The following FARP1 variants were observed in gnomAD, a reference collection of about 807,000 sequenced individuals.
FARP1 encodes FERM, ARHGEF and pleckstrin domain-containing protein 1.
FARP1 carries 52 observed loss-of-function variants against 128.8 expected under a neutral mutation model. The observed-to-expected ratio is 0.40, with a 90% CI of 0.32 to 0.51. FARP1 has a LOEUF of 0.51. Ranked by LOEUF, FARP1 falls within the 20% of genes least tolerant of loss-of-function variation. The pLI is 0.45. For missense variants in FARP1, 1,333 were observed against 1,367.9 expected, an observed-to-expected ratio of 0.97 and a Z score of 0.40; for synonymous variants, 580 against 551.8, an observed-to-expected ratio of 1.05 and a Z score of -0.72.
intron 2 of FARP1, among the ~76,000 whole-genome samples, chr13:98,267,994 C>T (rs1884208012): frequency 1.3e-5 from 2 of 152,172 alleles, no homozygotes; most frequent in South Asian, 4.1e-4. Context: ...TCATCTTCAC[C>T]ATTTGCAAGG....
intron 24 of FARP1, among the ~76,000 whole-genome samples, chr13:98,442,874 C>T (rs1428929968): frequency 2.0e-5 from 3 of 152,218 alleles, no homozygotes; most frequent in East Asian, 1.9e-4. Context: ...GTGTGAATTA[C>T]GACTCTCAAG....
chr13:98,284,899 C>T (rs1436404207), intron 2 of FARP1, among the ~76,000 whole-genome samples: 6 of 152,164 alleles, frequency 3.9e-5, no homozygotes, highest in African/African-American at 1.2e-4. Flanking sequence ...TCTGTGTACG[C>T]ATTTCCTATT....
intron 2 of FARP1, among the ~76,000 whole-genome samples, chr13:98,310,696 G>A (rs1435487967): frequency 2.0e-5 from 3 of 152,134 alleles, no homozygotes; most frequent in Non-Finnish European, 4.4e-5. Flanking sequence ...GGGTGGTGGT[G>A]GGTGGTGTGG....
chr13:98,251,837 T>A (rs1246061259), intron 2 of FARP1, among the ~76,000 whole-genome samples: 4 of 151,148 alleles, frequency 2.6e-5, no homozygotes, highest in African/African-American at 9.9e-5. Flanking sequence ...TATAGCTAAT[T>A]GTATGTATGT....
intron 1 of FARP1, among the ~76,000 whole-genome samples, chr13:98,153,423 AAC>A (rs1876207432): frequency 2.2e-5 from 3 of 136,182 alleles, no homozygotes; most frequent in South Asian, 2.2e-4. Flanking sequence ...TATAATATGT[AAC>A]ACATTATATA....
intron 2 of FARP1, among the ~76,000 whole-genome samples, chr13:98,323,810 T>A (rs773816570): frequency 5.3e-5 from 8 of 152,206 alleles, no homozygotes; most frequent in Admixed American, 1.3e-4. Context: ...TATTCAGCCT[T>A]TAGAGGAAAA....
chr13:98,374,909 T>C (rs1329464985), intron 5 of FARP1, among the ~76,000 whole-genome samples: 3 of 152,288 alleles, frequency 2.0e-5, no homozygotes, highest in African/African-American at 7.2e-5. Flanking sequence ...CTAGGCTTTT[T>C]GTAACAACCA....
intron 16 of FARP1, among the ~76,000 whole-genome samples, chr13:98,422,830 C>G (rs747230794): frequency 1.2e-4 from 18 of 152,088 alleles, no homozygotes; most frequent in Admixed American, 3.9e-4. Context: ...CTCGCGTTGC[C>G]GGAGGGTTCT....
chr13:98,212,306 T>G (rs1880771766), intron 1 of FARP1, among the ~76,000 whole-genome samples: 1 of 152,240 alleles, frequency 6.6e-6, no homozygotes, highest in Non-Finnish European at 1.5e-5. Context: ...TTCACCCACC[T>G]TGGCCTCCGA....
chr13:98,218,462 T>C (rs61257521), intron 2 of FARP1, among the ~76,000 whole-genome samples: 2,883 of 152,326 alleles, frequency 0.019, 87 homozygotes, highest in African/African-American at 0.066. Context: ...GAGGACCCTG[T>C]GTTGACATGC....
chr13:98,244,756 T>C, intron 2 of FARP1: 1 of 1,594,876 alleles, frequency 6.3e-7, no homozygotes, highest in Non-Finnish European at 8.6e-7. Context: ...AAGAAATTGA[T>C]TGGCAATGGC....
At chr13:98,232,852 A>AT (rs1217223089) in intron 2 of FARP1, among the ~76,000 whole-genome samples, 1 of 152,170 alleles carries the variant, frequency 6.6e-6, no homozygotes, top group East Asian at 1.9e-4. Context: ...CTACTGTCTG[A>AT]TTTTTCCCAG....
intron 16 of FARP1, among the ~76,000 whole-genome samples, chr13:98,422,893 A>G (rs1358009850): frequency 6.6e-6 from 1 of 152,134 alleles, no homozygotes; most frequent in East Asian, 1.9e-4. Flanking sequence ...AGAGGGACAG[A>G]GCTAATAGGA....
intron 5 of FARP1, 76 bp from the exon 6 acceptor site, chr13:98,377,745 C>T (rs1338953612): frequency 9.8e-7 from 1 of 1,024,026 alleles, no homozygotes; most frequent in African/African-American, 1.6e-5. Flanking sequence ...CTCTCCTTGG[C>T]CTCTCATGGT....
At chr13:98,154,459 ACT>A (rs575029303) in intron 1 of FARP1, among the ~76,000 whole-genome samples, 7 of 152,100 alleles carry the variant, frequency 4.6e-5, no homozygotes, top group Middle Eastern at 3.4e-3. Flanking sequence ...AATTTCTTGG[ACT>A]CTCTGGCAGA....
chr13:98,246,611 C>T (rs1016237311), intron 2 of FARP1, among the ~76,000 whole-genome samples: 9 of 151,798 alleles, frequency 5.9e-5, no homozygotes, highest in Non-Finnish European at 1.3e-4. Context: ...TACTATACTC[C>T]CTCCTTCTCC....
chr13:98,320,631 C>G (rs530483443), intron 2 of FARP1, among the ~76,000 whole-genome samples: 2 of 152,216 alleles, frequency 1.3e-5, no homozygotes, highest in Non-Finnish European at 2.9e-5. Context: ...TGTTAGAAAA[C>G]TCTCAGGATT....
intron 2 of FARP1, chr13:98,329,129 C>T (rs1191635757): frequency 3.3e-5 from 5 of 152,346 alleles, no homozygotes; most frequent in South Asian, 2.1e-4. Flanking sequence ...TGATGTGACA[C>T]GTTCATTCTG....
In FARP1 at chr13:98,393,739, A is replaced by G. The variant is rs673069; in HGVS notation, c.1164+21A>G. 12,081 of 1,592,968 alleles carry G rather than the reference A, an allele frequency of 7.6e-3. 680 individuals carry two copies. In the African/African-American group the frequency reaches 0.13, roughly 17 times the overall value. On this transcript the variant is annotated intron_variant, in intron 12 of 26. Coordinates refer to ENST00000319562, the MANE Select transcript of FARP1 (RefSeq NM_005766.4). ...AGCAGGTCAGTGATGGCGCTGTCCT[A>G]TGATAACTCTGCTTTTCCCCACACT...
Sources: allele counts gnomAD v4.1 joint callset (sites outside exome capture counted in the v4.1 genomes callset), GRCh38; gene constraint gnomAD v4.1.1; transcripts MANE v1.5; gene names NCBI Gene and HGNC (gene_info 2026-07-23, HGNC 2026-07-21).